FGF13: variants seen among roughly 807,000 people sequenced by gnomAD.
FGF13 encodes fibroblast growth factor homologous factor 2.
FGF13 carries 2 observed loss-of-function variants against 19.5 expected under a neutral mutation model. The ratio of observed to expected loss-of-function variants is 0.10; its 90% CI spans 0.04 to 0.32. The LOEUF (loss-of-function observed/expected upper bound fraction) is 0.32, where lower values mean the gene tolerates loss of function less well. Ranked by LOEUF, FGF13 falls within the 10% of genes least tolerant of loss-of-function variation. FGF13 has a pLI of 1.00. For synonymous variants in FGF13, 72 were observed against 76.9 expected (o/e 0.94, Z 0.33); for missense variants, 113 against 192.7 (o/e 0.59, Z 2.45).
intron 1 of FGF13, among the ~76,000 whole-genome samples, chrX:138,894,789 G>T (rs996775369): frequency 2.9e-4 from 32 of 111,517 alleles, no homozygotes; most frequent in African/African-American, 1.0e-3. Context: ...AGAAAAAGAG[G>T]GAATCCTCCC....
intron 3 of FGF13, among the ~76,000 whole-genome samples, chrX:138,847,619 G>T (rs2091191957): frequency 8.9e-6 from 1 of 111,915 alleles, no homozygotes; most frequent in South Asian, 3.7e-4. Flanking sequence ...CGCTTTCACA[G>T]TGGTCATTAT....
At chrX:138,743,630 G>T (rs1337524653), upstream of FGF13, among the ~76,000 whole-genome samples, 1 of 110,602 alleles carries the variant, frequency 9.0e-6, no homozygotes, top group Non-Finnish European at 1.9e-5. Context: ...GGAATCACAG[G>T]GTATATGTCA....
intron 1 of FGF13, among the ~76,000 whole-genome samples, chrX:139,069,479 G>A (rs2092369379): frequency 1.3e-5 from 1 of 79,242 alleles, no homozygotes; most frequent in Non-Finnish European, 2.4e-5. Context: ...GGGGGGAGGG[G>A]GGAGGGATAG....
At chrX:139,071,339 C>T (rs2092376118) in intron 1 of FGF13, among the ~76,000 whole-genome samples, 1 of 111,413 alleles carries the variant, frequency 9.0e-6, no homozygotes, top group African/African-American at 3.3e-5. Flanking sequence ...TGTTTTATTA[C>T]CATCCTTTTA....
At chrX:139,123,394 G>A (rs774829320) in intron 1 of FGF13, among the ~76,000 whole-genome samples, 5 of 111,171 alleles carry the variant, frequency 4.5e-5, no homozygotes, top group African/African-American at 6.5e-5. Flanking sequence ...CCTCACTCCC[G>A]CCATGATGGC....
intron 1 of FGF13, among the ~76,000 whole-genome samples, chrX:138,880,862 G>A (rs1176240760): frequency 1.8e-5 from 2 of 111,682 alleles, no homozygotes; most frequent in East Asian, 5.6e-4. Flanking sequence ...ATTAGTGTGA[G>A]TCCTCCAACT....
upstream of FGF13, among the ~76,000 whole-genome samples, chrX:139,203,829 G>T (rs963285044): frequency 1.8e-5 from 2 of 112,090 alleles, no homozygotes; most frequent in Non-Finnish European, 3.8e-5. Context: ...AAGTGGAGGA[G>T]GCTGGAGGCA....
chrX:138,843,212 G>A (rs913292361), intron 3 of FGF13, among the ~76,000 whole-genome samples: 5 of 111,957 alleles, frequency 4.5e-5, no homozygotes, highest in African/African-American at 9.7e-5. Context: ...AGTTCAGTTC[G>A]CATGTTAAAT....
At chrX:138,769,529 C>A (rs151255403) in intron 3 of FGF13, among the ~76,000 whole-genome samples, 277 of 111,763 alleles carry the variant, frequency 2.5e-3, no homozygotes, top group African/African-American at 8.5e-3. Context: ...CCATTATAAC[C>A]ATGACCATCA....
chrX:139,190,664 G>A (rs908976019), intron 1 of FGF13, among the ~76,000 whole-genome samples: 2 of 112,089 alleles, frequency 1.8e-5, no homozygotes, highest in African/African-American at 6.5e-5. Context: ...TGGTGATTAA[G>A]GCTGCAGAAC....
intron 2 of FGF13, among the ~76,000 whole-genome samples, chrX:138,704,176 A>C (rs2089973830): frequency 9.0e-6 from 1 of 111,698 alleles, no homozygotes; most frequent in African/African-American, 3.3e-5. Context: ...AATAGTTGCA[A>C]GTGGGCAGCC....
intron 1 of FGF13, among the ~76,000 whole-genome samples, chrX:138,996,962 G>A (rs1227753523): frequency 1.8e-5 from 2 of 111,965 alleles, no homozygotes; most frequent in East Asian, 2.8e-4. Flanking sequence ...GCCTCTCTGG[G>A]ACAAAACTTC....
At chrX:138,886,554 C>T (rs1299830171) in intron 1 of FGF13, among the ~76,000 whole-genome samples, 1 of 112,032 alleles carries the variant, frequency 8.9e-6, no homozygotes, top group Non-Finnish European at 1.9e-5. Context: ...ACAGCAATGG[C>T]TCCAAAACCT....
downstream of FGF13, among the ~76,000 whole-genome samples, chrX:138,856,160 C>T (rs553794210): frequency 1.8e-5 from 2 of 111,648 alleles, no homozygotes; most frequent in South Asian, 7.4e-4. Flanking sequence ...TAAAAGTTCA[C>T]CATTTATACC....
intron 1 of FGF13, among the ~76,000 whole-genome samples, chrX:138,912,466 T>C (rs376632516): frequency 9.0e-6 from 1 of 111,541 alleles, no homozygotes; most frequent in Non-Finnish European, 1.9e-5. Context: ...ACAAGCCAGT[T>C]GTCCATACAA....
chrX:138,885,497 G>C (rs1035527849), intron 1 of FGF13, among the ~76,000 whole-genome samples: 1 of 111,020 alleles, frequency 9.0e-6, no homozygotes, highest in Non-Finnish European at 1.9e-5. Context: ...TTCTTTCCAT[G>C]GGTCAGCCAA....
intron 1 of FGF13, among the ~76,000 whole-genome samples, chrX:139,198,419 T>A (rs1437277749): frequency 9.0e-6 from 1 of 111,516 alleles, no homozygotes; most frequent in Non-Finnish European, 1.9e-5. Context: ...AGCAAGCAAC[T>A]TAGCTCTGGA....
chrX:138,683,355 T>C (rs1397303467), intron 3 of FGF13, among the ~76,000 whole-genome samples: 1 of 110,299 alleles, frequency 9.1e-6, no homozygotes, highest in Admixed American at 9.8e-5. Context: ...GGACCATCAG[T>C]GCTTGGATGG....
At chrX:138,964,187 A>G (rs189113927) in intron 1 of FGF13, among the ~76,000 whole-genome samples, 1 of 111,832 alleles carries the variant, frequency 8.9e-6, no homozygotes, top group East Asian at 2.8e-4. Context: ...CACTGAGAGA[A>G]GAGGCCTACA....
Sources: allele counts gnomAD v4.1 joint callset (sites outside exome capture counted in the v4.1 genomes callset), GRCh38; gene constraint gnomAD v4.1.1; transcripts MANE v1.5; gene names NCBI Gene and HGNC (gene_info 2026-07-23, HGNC 2026-07-21).